ADGRF5: variants seen among roughly 807,000 people sequenced by gnomAD.
ADGRF5 encodes G-protein coupled receptor 116.
In ADGRF5, 75 loss-of-function variants were observed where a neutral mutation model predicts 132.3. The ratio of observed to expected loss-of-function variants is 0.57; its 90% CI spans 0.47 to 0.69. The LOEUF is 0.69. Among genes scored for constraint, ADGRF5 ranks in the 30% least tolerant of loss-of-function variants. ADGRF5 has a pLI of 0.00. For missense variants in ADGRF5, 1,516 were observed against 1,630.6 expected (o/e 0.93, Z 1.21); for synonymous variants, 629 against 597.6 (o/e 1.05, Z -0.77).
chr6:46,858,881 G>C lies in ADGRF5; in HGVS notation c.3022C>G (p.Leu1008Val), dbSNP rs749803469. Residue 1008 changes from leucine (L) to valine (V), a missense_variant, in exon 17 of 21, where the codon CTG (leucine) becomes GTG (valine). Coordinates refer to ENST00000283296, the MANE Select transcript of ADGRF5 (RefSeq NM_001098518.2). ...SPDSPDPSSL[L>V]GILLDIISYV... is the part of the protein sequence containing the mutation. Reference sequence around the variant, plus strand: ...GAAATAATATCCAGGAGTATTCCCAGGAGAGAACTAGGATCTGGGGAGTCA... The same window carrying C: ...GAAATAATATCCAGGAGTATTCCCACGAGAGAACTAGGATCTGGGGAGTCA... 6.2e-7 allele frequency: 1 copy of C among 1,614,128 alleles called. No individual in the cohort carries two copies. Among genetic ancestry groups the C allele is most frequent in the Non-Finnish European group, 8.5e-7 (1 of 1,179,986 alleles).
chr6:46,862,065 T>C (rs1562147134), intron 15 of ADGRF5, among the ~76,000 whole-genome samples: 1 of 152,238 alleles, frequency 6.6e-6, no homozygotes, highest in African/African-American at 2.4e-5. Context: ...CCTATAATCA[T>C]GCTTTGCACA....
chr6:46,868,938 A>G lies in ADGRF5; in HGVS notation c.1566T>C (p.Tyr522=), dbSNP rs552450508. 13 of 1,613,834 alleles carry G rather than the reference A, an allele frequency of 8.1e-6. No individual in the cohort carries two copies. The highest frequency in any genetic ancestry group is 6.7e-5 in the Admixed American group (4 of 60,030). The part of the protein sequence containing the change: ...IYQRFYTTRR[Y]LDGAESVLTV... ...TCAGTACTGATTCTGCTCCATCAAG[A>G]TACCTCCTCGTGGTATAAAATCTTT... is the stretch of plus-strand genomic sequence containing the variant. The change falls in exon 12 of 21, where the codon TAT becomes TAC. Residue 522 remains tyrosine (Y), a synonymous_variant. Transcript: ENST00000283296.
At chr6:46,916,839 T>G (rs1776457428) in intron 1 of ADGRF5, among the ~76,000 whole-genome samples, 1 of 152,228 alleles carries the variant, frequency 6.6e-6, no homozygotes, top group African/African-American at 2.4e-5. Flanking sequence ...AACACTTGAG[T>G]ATAGAGCAAA....
chr6:46,917,391 C>T (rs539458632), intron 1 of ADGRF5, among the ~76,000 whole-genome samples: 8 of 152,268 alleles, frequency 5.3e-5, no homozygotes, highest in South Asian at 2.1e-4. Context: ...AGGCATAGCA[C>T]GGTAATTAGG....
chr6:46,906,632 A>C, intron 2 of ADGRF5, 29 bp downstream of exon 2: 4 of 1,139,858 alleles, frequency 3.5e-6, no homozygotes, highest in Non-Finnish European at 5.2e-6. Context: ...GTGACAAGAA[A>C]AATTATAGCA....
rs6902317 is a variant in ADGRF5 at position 46,952,338 on chromosome 6, C to A, written c.-25+2396G>T. ...ACAAAAAGTAAGTCCTCCAGATGAGCGCTGCATGGAGGCAGGACTCACATC... is the reference window on the plus strand; with the variant it reads ...ACAAAAAGTAAGTCCTCCAGATGAGAGCTGCATGGAGGCAGGACTCACATC... On this transcript the variant is annotated intron_variant, in intron 1 of 20. Coordinates refer to the ADGRF5 transcript ENST00000265417. 9.3e-3 allele frequency among the ~76,000 whole-genome samples: 1,415 copies of A among 152,278 alleles called. 27 individuals are homozygous for A. The highest frequency in any genetic ancestry group is 0.033 in the African/African-American group (1,355 of 41,538).
intron 1 of ADGRF5, among the ~76,000 whole-genome samples, chr6:46,942,914 G>T (rs1195297426): frequency 6.6e-6 from 1 of 152,140 alleles, no homozygotes; most frequent in Non-Finnish European, 1.5e-5. Flanking sequence ...TTGGTTTGGT[G>T]GTTTGAGTTA....
At chr6:46,936,290 C>T (rs957256411) in intron 1 of ADGRF5, among the ~76,000 whole-genome samples, 6 of 152,184 alleles carry the variant, frequency 3.9e-5, no homozygotes, top group Admixed American at 6.5e-5. Flanking sequence ...GCCTGTATCA[C>T]CTGTAGATTC....
At chr6:46,870,117 T>G (rs956321054) in intron 11 of ADGRF5, among the ~76,000 whole-genome samples, 1 of 152,044 alleles carries the variant, frequency 6.6e-6, no homozygotes, top group Admixed American at 6.6e-5. Flanking sequence ...CCACTGATGC[T>G]GGCCTACTTA....
At chr6:46,943,756 C>T (rs1420580624) in intron 1 of ADGRF5, among the ~76,000 whole-genome samples, 1 of 152,186 alleles carries the variant, frequency 6.6e-6, no homozygotes, top group Non-Finnish European at 1.5e-5. Context: ...GAATCCCAAA[C>T]CCAGTTCTTG....
At chr6:46,954,268 A>G (rs951907417) in intron 1 of ADGRF5, among the ~76,000 whole-genome samples, 3 of 152,124 alleles carry the variant, frequency 2.0e-5, no homozygotes, top group Non-Finnish European at 4.4e-5. Context: ...TATAGCACAT[A>G]GGCACTCTAA....
Position 46,877,225 on chromosome 6 carries a change from C to CTCTTTCTT in ADGRF5, c.1240+969_1240+976dup, listed in dbSNP as rs71536391. ...TTTGGTGAGTCCTAATTTATTTCCT[C>CTCTTTCTT]TCTTTCTTTCTTTCTTTCTTTCTTT... On this transcript the variant is annotated intron_variant, in intron 10 of 20. Transcript: ENST00000283296. Among the ~76,000 whole-genome samples the CTCTTTCTT allele has an allele frequency of 4.8e-3, 629 of 131,738 alleles. 12 individuals carry two copies. Among genetic ancestry groups the CTCTTTCTT allele is most frequent in the South Asian group, 0.01 (38 of 3,772 alleles). 86.4% of individuals were successfully genotyped at this position (131,738 alleles called of 152,430 possible). A position where few individuals can be genotyped will look rare whatever the true frequency, so the allele number is the denominator to read the frequency against.
In ADGRF5 at chr6:46,853,430, T is replaced by G. The variant is rs1768693905; in HGVS notation, c.*562A>C. 1 of 152,484 alleles carries G rather than the reference T, an allele frequency of 6.6e-6. No individual in the cohort carries two copies. 9.4% of individuals were successfully genotyped at this position (152,484 alleles called of 1,614,324 possible). A position where few individuals can be genotyped will look rare whatever the true frequency, so the allele number is the denominator to read the frequency against. On this transcript the variant is annotated 3_prime_UTR_variant, in exon 21 of 21. Transcript: ENST00000283296. ...TGAGCCATTAAAAAAAAATTCTCAATGTTGCACTGAGTGATTATATTAGAT... is the reference window on the plus strand; with the variant it reads ...TGAGCCATTAAAAAAAAATTCTCAAGGTTGCACTGAGTGATTATATTAGAT...
intron 3 of ADGRF5, among the ~76,000 whole-genome samples, chr6:46,890,732 T>A (rs1054164846): frequency 1.3e-5 from 2 of 151,844 alleles, no homozygotes; most frequent in South Asian, 2.1e-4. Context: ...AAGAAAAAAA[T>A]AAGGAAAAAA....
intron 20 of ADGRF5, among the ~76,000 whole-genome samples, chr6:46,855,554 G>A (rs1420939937): frequency 6.6e-6 from 1 of 152,174 alleles, no homozygotes. Context: ...AACCTACATA[G>A]TGAGATCCTG....
At chr6:46,926,108 G>A (rs1777231228), upstream of ADGRF5, among the ~76,000 whole-genome samples, 1 of 152,010 alleles carries the variant, frequency 6.6e-6, no homozygotes, top group African/African-American at 2.4e-5. Context: ...TCTTATCTTG[G>A]GTGTGTATAT....
At position 46,859,040 on chromosome 6, in the gene ADGRF5, C is replaced by T. The variant is rs1411730239; in HGVS notation, c.2863G>A (p.Val955Ile). 6.2e-7 allele frequency: 1 copy of T among 1,614,220 alleles called. No homozygotes were observed. The highest frequency in any genetic ancestry group is 1.1e-5 in the South Asian group (1 of 91,090). Residue 955 changes from valine to isoleucine, a missense_variant, in exon 17 of 21, where the codon GTC becomes ATC. Coordinates refer to ENST00000283296, the MANE Select transcript of ADGRF5 (RefSeq NM_001098518.2). ...TTGGCAAGCCTGAAGTTCCAGAAGA[C>T]ACACTTCGTTTCGCCGCCTGAAGGG... The part of the protein sequence containing the change: ...NSPSGGETKC[V>I]FWNFRLANNT...
rs778947750 is a variant in ADGRF5 at position 46,860,886 on chromosome 6, G to T, written c.2208C>A (p.Ile736=). ...GCATCTCATCCTGAGAGGGGCTCTTGATCAAAGCCTAGTAAAACAAAAGCC... is the reference window on the plus strand; with the variant it reads ...GCATCTCATCCTGAGAGGGGCTCTTTATCAAAGCCTAGTAAAACAAAAGCC... The part of the protein sequence containing the change: ...NSLLQMAKAL[I]KSPSQDEMLP... Residue 736 remains isoleucine, a synonymous_variant, in exon 16 of 21, where the codon ATC becomes ATA. Coordinates refer to ENST00000283296, the MANE Select transcript of ADGRF5 (RefSeq NM_001098518.2). The T allele has an allele frequency of 9.4e-6, 15 of 1,599,400 alleles. No individual in the cohort carries two copies. Among genetic ancestry groups the T allele is most frequent in the Non-Finnish European group, 1.3e-5 (15 of 1,171,196 alleles).
At chr6:46,879,418 G>A (rs113590832) in intron 9 of ADGRF5, among the ~76,000 whole-genome samples, 1,967 of 152,026 alleles carry the variant, frequency 0.013, 25 homozygotes, top group Middle Eastern at 0.034. Context: ...TCTCATGATA[G>A]GGAGTGAGTT....
Sources: allele counts gnomAD v4.1 joint callset (sites outside exome capture counted in the v4.1 genomes callset), GRCh38; gene constraint gnomAD v4.1.1; transcripts MANE v1.5; gene names NCBI Gene and HGNC (gene_info 2026-07-23, HGNC 2026-07-21).